SYT17: variants seen among roughly 807,000 people sequenced by gnomAD.
SYT17 encodes synaptotagmin 17, also known as synaptotagmin-17.
SYT17 carries 22 observed loss-of-function variants against 46.7 expected under a neutral mutation model. The observed-to-expected ratio is 0.47, with a 90% CI of 0.34 to 0.67. The LOEUF (loss-of-function observed/expected upper bound fraction) is 0.67, where lower values mean the gene tolerates loss of function less well. SYT17 is among the 30% of genes least tolerant of loss of function. The probability of loss-of-function intolerance (pLI) is 0.01; values close to 1 mark genes in which losing one functional copy is unlikely to be tolerated. For synonymous variants in SYT17, 251 were observed against 248.4 expected (o/e 1.01, Z -0.10); for missense variants, 519 against 612.8 (o/e 0.85, Z 1.62).
At chr16:19,254,460 G>A (rs140192648) in intron 7 of SYT17, among the ~76,000 whole-genome samples, 2 of 152,218 alleles carry the variant, frequency 1.3e-5, no homozygotes, top group South Asian at 2.1e-4. Flanking sequence ...TCTCTTGGGG[G>A]TAAAGCTGGG....
intron 7 of SYT17, among the ~76,000 whole-genome samples, chr16:19,230,343 G>A (rs750171392): frequency 1.3e-5 from 2 of 151,702 alleles, no homozygotes; most frequent in Admixed American, 1.3e-4. Flanking sequence ...GGAGGCAGAG[G>A]TTGCAATGAG....
intron 1 of SYT17, among the ~76,000 whole-genome samples, chr16:19,169,006 C>G (rs985301314): frequency 1.3e-5 from 2 of 151,664 alleles, no homozygotes; most frequent in Non-Finnish European, 2.9e-5. Context: ...GAGGGCGGCC[C>G]GGGGCGCGCC....
intron 1 of SYT17, among the ~76,000 whole-genome samples, chr16:19,169,009 G>A (rs1213759381): frequency 1.3e-5 from 2 of 151,822 alleles, no homozygotes; most frequent in Non-Finnish European, 2.9e-5. Flanking sequence ...GGCGGCCCGG[G>A]GCGCGCCAGC....
chr16:19,236,203 G>A (rs1270603516), intron 7 of SYT17, among the ~76,000 whole-genome samples: 1 of 152,200 alleles, frequency 6.6e-6, no homozygotes, highest in Non-Finnish European at 1.5e-5. Flanking sequence ...GCTGGCTTCT[G>A]TGTGACTGTG....
At chr16:19,192,918 C>T (rs925783446) in intron 5 of SYT17, among the ~76,000 whole-genome samples, 1 of 152,194 alleles carries the variant, frequency 6.6e-6, no homozygotes, top group African/African-American at 2.4e-5. Context: ...TGATTTCCCA[C>T]ATCCTGGGTG....
chr16:19,230,754 C>T lies in SYT17; in HGVS notation c.1228+5916C>T, dbSNP rs949240034. 6.6e-5 allele frequency among the ~76,000 whole-genome samples: 10 copies of T among 152,274 alleles called. 1 individual carries two copies. In the South Asian group the frequency reaches 1.0e-3, roughly 16 times the overall value. Reference sequence around the variant, plus strand: ...TGACTTACTTGCTGTGTAATCTTGGCACTTTGCTTGGCCTCTCTTTGCCTC... The same window carrying T: ...TGACTTACTTGCTGTGTAATCTTGGTACTTTGCTTGGCCTCTCTTTGCCTC... On this transcript the variant is annotated intron_variant, in intron 7 of 7. Transcript: ENST00000355377.
rs773865114 is a variant in SYT17, at chr16:19,224,760, A to G, written c.1150A>G (p.Ile384Val). 2 of 1,614,032 alleles carry G rather than the reference A, an allele frequency of 1.2e-6. No homozygotes were observed. Among genetic ancestry groups the G allele is most frequent in the East Asian group, 2.2e-5 (1 of 44,892 alleles). ...GAAGACGTCCTTCTTAAGGGGCACA[A>G]TTGATCCTTTCTACAATGAATCCTT... ...TKKTSFLRGT[I>V]DPFYNESFSF... is the part of the protein sequence containing the mutation. Residue 384 changes from isoleucine (I) to valine (V), a missense_variant, in exon 7 of 8, where the codon ATT becomes GTT. Physicochemically the swap from Ile to Val is conservative, Grantham distance 29 (BLOSUM62 3). Coordinates refer to ENST00000355377, the MANE Select transcript of SYT17 (RefSeq NM_016524.4).
intron 2 of SYT17, chr16:19,173,123 T>A: frequency 1.9e-6 from 1 of 540,122 alleles, no homozygotes; most frequent in Non-Finnish European, 3.2e-6. Flanking sequence ...TGATGTTGTA[T>A]AAACCACCCA....
chr16:19,196,243 ATT>A (rs35656867), intron 5 of SYT17, among the ~76,000 whole-genome samples: 1 of 144,940 alleles, frequency 6.9e-6, no homozygotes, highest in East Asian at 2.0e-4. Flanking sequence ...CGATAGAAGA[ATT>A]TTTTTTTTTT....
intron 7 of SYT17, among the ~76,000 whole-genome samples, chr16:19,255,253 G>A (rs1394062407): frequency 6.6e-6 from 1 of 152,016 alleles, no homozygotes; most frequent in African/African-American, 2.4e-5. Context: ...TTTAATGAAG[G>A]GAACTCCCAT....
chr16:19,203,336 C>CA (rs3038782), intron 5 of SYT17, among the ~76,000 whole-genome samples: 8,088 of 145,540 alleles, frequency 0.056, 416 homozygotes, highest in African/African-American at 0.14. Context: ...ACTAACAATA[C>CA]AAAAAAAAAA....
intron 7 of SYT17, among the ~76,000 whole-genome samples, chr16:19,234,267 A>G (rs540803078): frequency 1.0e-3 from 157 of 152,266 alleles, no homozygotes; most frequent in African/African-American, 3.3e-3. Flanking sequence ...CCAAGGCTGC[A>G]GTAAACTATG....
At chr16:19,211,528 C>T (rs1965900676) in intron 5 of SYT17, 5 of 700,182 alleles carry the variant, frequency 7.1e-6, no homozygotes, top group South Asian at 3.0e-5. Flanking sequence ...GTGTTTTCAA[C>T]TGAGTGTTAA....
intron 7 of SYT17, among the ~76,000 whole-genome samples, chr16:19,237,710 A>G (rs972893355): frequency 6.6e-6 from 1 of 152,226 alleles, no homozygotes; most frequent in Non-Finnish European, 1.5e-5. Context: ...TGCTGCTTCA[A>G]TAAAGCTGTT....
chr16:19,249,926 C>T, intron 7 of SYT17: 1 of 1,534,968 alleles, frequency 6.5e-7, no homozygotes, highest in Non-Finnish European at 8.7e-7. Context: ...TCACCAAGTC[C>T]TCTTTTTGCT....
chr16:19,181,217 C>A (rs1964544027), intron 4 of SYT17, among the ~76,000 whole-genome samples: 2 of 152,104 alleles, frequency 1.3e-5, no homozygotes, highest in Admixed American at 1.3e-4. Context: ...CAAATTTGAC[C>A]ACCCAATTTG....
chr16:19,209,208 G>A (rs2142784828), intron 5 of SYT17, among the ~76,000 whole-genome samples: 1 of 152,114 alleles, frequency 6.6e-6, no homozygotes, highest in African/African-American at 2.4e-5. Context: ...CAGAGATCCT[G>A]GGGGTTGGAA....
intron 5 of SYT17, among the ~76,000 whole-genome samples, chr16:19,198,191 T>C (rs1417381584): frequency 6.6e-6 from 1 of 152,182 alleles, no homozygotes; most frequent in African/African-American, 2.4e-5. Context: ...AATTGACCAG[T>C]GTCATAAGTT....
chr16:19,234,074 C>T (rs1966799963), intron 7 of SYT17, among the ~76,000 whole-genome samples: 1 of 152,116 alleles, frequency 6.6e-6, no homozygotes, highest in African/African-American at 2.4e-5. Context: ...ACCTGTAATC[C>T]CAGCACTATG....
Sources: gnomAD v4.1 joint callset for allele counts (sites outside exome capture counted in the v4.1 genomes callset) on GRCh38, gnomAD v4.1.1 for gene constraint, MANE v1.5 for transcripts, NCBI Gene and HGNC (gene_info 2026-07-23, HGNC 2026-07-21) for gene names.